The following COX19 variants were observed in gnomAD, a reference collection of about 807,000 sequenced individuals.
The protein encoded by COX19 is cytochrome c oxidase assembly protein COX19.
A neutral mutation model predicts 6.8 loss-of-function variants in COX19; 8 were observed. That is an observed-to-expected ratio of 1.18 (90% confidence interval 0.69 to 2.12). COX19 has a LOEUF of 2.12. Ranked by LOEUF, COX19 falls within the 30% of genes most tolerant of loss-of-function variation. The pLI, the probability that COX19 is intolerant of heterozygous loss-of-function variation, is 0.00. For synonymous variants in COX19, 51 were observed against 38.0 expected (o/e 1.34, Z -1.26); for missense variants, 131 against 104.6 (o/e 1.25, Z -1.10).
rs1189944652 is a variant in COX19, at chr7:964,900, G to A, written c.*4478C>T. Among the ~76,000 whole-genome samples the A allele has an allele frequency of 3.9e-5, 6 of 152,232 alleles. No individual in the cohort carries two copies. The highest frequency in any genetic ancestry group is 9.6e-5 in the African/African-American group (4 of 41,458). On this transcript the variant is annotated 3_prime_UTR_variant, in exon 3 of 3. Transcript: ENST00000344111. ...ATGTGGCCAGCTTATCATGACAAGC[G>A]TCTATGAGAAATAAAATGCATTCTG... is the stretch of plus-strand genomic sequence containing the variant.
chr7:966,026 T>A lies in COX19; in HGVS notation c.*3352A>T, dbSNP rs983862522. The A allele has an allele frequency of 2.0e-5, 3 of 152,278 alleles. No homozygotes were observed. Among genetic ancestry groups the A allele is most frequent in the African/African-American group, 7.2e-5 (3 of 41,448 alleles). The allele number at this position is 152,278 out of a possible 1,614,324, so 9.4% of individuals were successfully genotyped here. A position where few individuals can be genotyped will look rare whatever the true frequency, so the allele number is the denominator to read the frequency against. On this transcript the variant is annotated 3_prime_UTR_variant, in exon 3 of 3. Coordinates refer to ENST00000344111, the MANE Select transcript of COX19 (RefSeq NM_001031617.3). ...CCCAAAATTTCTTCTATATTAGAAT[T>A]AATAAGACAGACCTGGCCCTCCCCC...
At chr7:974,467 T>C (rs1455459864) in intron 1 of COX19, among the ~76,000 whole-genome samples, 1 of 151,996 alleles carries the variant, frequency 6.6e-6, no homozygotes, top group Non-Finnish European at 1.5e-5. Context: ...GTTTCCTTCA[T>C]AAACATGCTG....
At chr7:971,555 GA>G (rs905859793) in intron 2 of COX19, among the ~76,000 whole-genome samples, 60 of 146,910 alleles carry the variant, frequency 4.1e-4, no homozygotes, top group East Asian at 2.8e-3. Flanking sequence ...TTTTTAAAAA[GA>G]AAAAAAAAAC....
intron 2 of COX19, among the ~76,000 whole-genome samples, chr7:972,231 C>T (rs938884574): frequency 6.6e-6 from 1 of 152,196 alleles, no homozygotes; most frequent in Non-Finnish European, 1.5e-5. Context: ...CAGTGTGGCC[C>T]TTGGACAAAT....
At chr7:971,831 A>G (rs1220717430) in intron 2 of COX19, among the ~76,000 whole-genome samples, 1 of 152,250 alleles carries the variant, frequency 6.6e-6, no homozygotes, top group Non-Finnish European at 1.5e-5. Context: ...AGATCATGCC[A>G]CTGCGCTCCA....
chr7:971,054 ACCCTCC>A (rs374256944), intron 2 of COX19, among the ~76,000 whole-genome samples: 13 of 151,266 alleles, frequency 8.6e-5, no homozygotes, highest in African/African-American at 2.7e-4. Context: ...GGCCTCCTTT[ACCCTCC>A]CCACAACCCA....
intron 1 of COX19, 65 bp from the exon 2 acceptor site, chr7:973,357 C>A: frequency 6.7e-7 from 1 of 1,487,844 alleles, no homozygotes; most frequent in South Asian, 1.4e-5. Context: ...ACACAACAGC[C>A]TTAAGAGCTG....
rs1847576151 is a variant in COX19, at chr7:967,589, T to C, written c.*1789A>G. 1 of 152,230 alleles carries C rather than the reference T, an allele frequency of 6.6e-6. No individual in the cohort carries two copies. Among genetic ancestry groups the C allele is most frequent in the African/African-American group, 2.4e-5 (1 of 41,452 alleles). The allele number at this position is 152,230 out of a possible 1,614,324, so 9.4% of individuals were successfully genotyped here. A position where few individuals can be genotyped will look rare whatever the true frequency, so the allele number is the denominator to read the frequency against. On this transcript the variant is annotated 3_prime_UTR_variant, in exon 3 of 3. Coordinates refer to ENST00000344111, the MANE Select transcript of COX19 (RefSeq NM_001031617.3). ...CTCCCGACGGCGGGTCAGAGTGCGATGGGAAGAGGCCCCGGCCTGGGCCCG... is the reference window on the plus strand; with the variant it reads ...CTCCCGACGGCGGGTCAGAGTGCGACGGGAAGAGGCCCCGGCCTGGGCCCG...
At position 972,899 on chromosome 7, in the gene COX19, A is replaced by T. The variant is rs114789576; in HGVS notation, c.194+282T>A. ...TTATGATGCACGATTTGGAAACCTT[A>T]ATGACAGGTCGGTAGCAACCAAATG... On this transcript the variant is annotated intron_variant, in intron 2 of 2. Transcript: ENST00000344111. 860 of 206,978 alleles carry T rather than the reference A, an allele frequency of 4.2e-3. 8 individuals are homozygous for T. The highest frequency in any genetic ancestry group is 0.019 in the African/African-American group (815 of 43,710). The allele number at this position is 206,978 out of a possible 1,614,324, so 12.8% of individuals were successfully genotyped here.
At chr7:971,591 C>T (rs1847635585) in intron 2 of COX19, among the ~76,000 whole-genome samples, 1 of 152,014 alleles carries the variant, frequency 6.6e-6, no homozygotes, top group South Asian at 2.1e-4. Context: ...ACAACAAAAG[C>T]CTGGGCGTAG....
chr7:972,952 A>G, intron 2 of COX19: 1 of 294,386 alleles, frequency 3.4e-6, no homozygotes, highest in Non-Finnish European at 6.3e-6. Context: ...CAGGAATGCA[A>G]TCATGTATAA....
rs1054809912 is a variant in COX19 at position 965,425 on chromosome 7, AG to A, written c.*3952del. Reference sequence around the variant, plus strand: ...CCTTGGGATTACATTCAGGCCATGCAGTTGGGCAAGAGAACCAGAGGTGATA... The same window carrying A: ...CCTTGGGATTACATTCAGGCCATGCATTGGGCAAGAGAACCAGAGGTGATA... On this transcript the variant is annotated 3_prime_UTR_variant, in exon 3 of 3. Transcript: ENST00000344111. 3.0e-4 allele frequency among the ~76,000 whole-genome samples: 46 copies of A among 152,322 alleles called. No homozygotes were observed. Among genetic ancestry groups the A allele is most frequent in the African/African-American group, 1.1e-3 (46 of 41,572 alleles).
Position 965,921 on chromosome 7 carries a change from G to A in COX19, c.*3457C>T, listed in dbSNP as rs1460884692. The stretch of plus-strand genomic sequence containing the variant: ...CCCAAAGTGTTGGGATTATAGGCGT[G>A]AGCCACTGGCGCCCGGCCCGCTGAG... On this transcript the variant is annotated 3_prime_UTR_variant, in exon 3 of 3. Coordinates refer to ENST00000344111, the MANE Select transcript of COX19 (RefSeq NM_001031617.3). Among the ~76,000 whole-genome samples the A allele has an allele frequency of 9.2e-5, 14 of 152,202 alleles. No individual in the cohort carries two copies. The highest frequency in any genetic ancestry group is 1.8e-4 in the Non-Finnish European group (12 of 68,036).
At chr7:973,075 C>A in intron 2 of COX19, 106 bp downstream of exon 2, 1 of 613,460 alleles carries the variant, frequency 1.6e-6, no homozygotes, top group South Asian at 3.3e-5. Flanking sequence ...AAAACACAAG[C>A]TGAATCCCAG....
In COX19 at chr7:968,133, G is replaced by C. The variant is rs1323674506; in HGVS notation, c.*1245C>G. On this transcript the variant is annotated 3_prime_UTR_variant, in exon 3 of 3. Transcript: ENST00000344111. Reference sequence around the variant, plus strand: ...AGAACCCATGGGTGCAGGGACACAGGGTTGGGCGGGCCCAGCCGCAATAGG... The same window carrying C: ...AGAACCCATGGGTGCAGGGACACAGCGTTGGGCGGGCCCAGCCGCAATAGG... 1 of 152,340 alleles carries C rather than the reference G, an allele frequency of 6.6e-6. No individual in the cohort carries two copies. Among genetic ancestry groups the C allele is most frequent in the Non-Finnish European group, 1.5e-5 (1 of 68,110 alleles). 9.4% of individuals were successfully genotyped at this position (152,340 alleles called of 1,614,324 possible).
Position 964,942 on chromosome 7 carries a change from AACT to A in COX19, c.*4433_*4435del, listed in dbSNP as rs1165754937. The stretch of plus-strand genomic sequence containing the variant: ...TGCATTCTGCACATGACAGATGATG[AACT>A]ACCCGAAATATCTCGTGAGAAGCTC... On this transcript the variant is annotated 3_prime_UTR_variant, in exon 3 of 3. Coordinates refer to ENST00000344111, the MANE Select transcript of COX19 (RefSeq NM_001031617.3). Among the ~76,000 whole-genome samples the A allele has an allele frequency of 1.2e-4, 18 of 152,242 alleles. No homozygotes were observed. Among genetic ancestry groups the A allele is most frequent in the Non-Finnish European group, 1.5e-5 (1 of 68,038 alleles).
chr7:974,737 C>A (rs900153078), intron 1 of COX19, among the ~76,000 whole-genome samples: 1 of 152,054 alleles, frequency 6.6e-6, no homozygotes, highest in African/African-American at 2.4e-5. Context: ...CGGCTCACTG[C>A]AACCTCCGTC....
Position 969,071 on chromosome 7 carries a change from T to G in COX19, c.*307A>C, listed in dbSNP as rs1340500807. On this transcript the variant is annotated 3_prime_UTR_variant, in exon 3 of 3. Coordinates refer to ENST00000344111, the MANE Select transcript of COX19 (RefSeq NM_001031617.3). ...TTGAACTCAGAAAGTATCAGAGGAC[T>G]GCAACATAAAACCGCCCCATACAAG... is the stretch of plus-strand genomic sequence containing the variant. 4.3e-5 allele frequency: 13 copies of G among 305,834 alleles called. No individual in the cohort carries two copies. Among genetic ancestry groups the G allele is most frequent in the Non-Finnish European group, 1.2e-5 (2 of 165,006 alleles). The allele number at this position is 305,834 out of a possible 1,614,324, so 18.9% of individuals were successfully genotyped here.
At chr7:970,766 T>C (rs1047147030) in intron 2 of COX19, among the ~76,000 whole-genome samples, 3 of 151,994 alleles carry the variant, frequency 2.0e-5, no homozygotes, top group South Asian at 2.1e-4. Context: ...TTTGTAGATA[T>C]AGGGTTTCAC....
Sources: allele counts gnomAD v4.1 joint callset (sites outside exome capture counted in the v4.1 genomes callset), GRCh38; gene constraint gnomAD v4.1.1; transcripts MANE v1.5; gene names NCBI Gene and HGNC (gene_info 2026-07-23, HGNC 2026-07-21).